SYT9: variants seen among roughly 807,000 people sequenced by gnomAD.
SYT9 encodes the protein synaptotagmin-9.
A neutral mutation model predicts 48.4 loss-of-function variants in SYT9; 22 were observed. The observed-to-expected ratio is 0.45, with a 90% confidence interval of 0.32 to 0.65. The LOEUF (loss-of-function observed/expected upper bound fraction) is 0.65, where lower values mean the gene tolerates loss of function less well. Ranked by LOEUF, SYT9 falls within the 30% of genes least tolerant of loss-of-function variation. The probability of loss-of-function intolerance (pLI) is 0.03; values close to 1 mark genes in which losing one functional copy is unlikely to be tolerated. For missense variants in SYT9, 577 were observed against 622.0 expected (o/e 0.93, Z 0.77); for synonymous variants, 265 against 245.0 (o/e 1.08, Z -0.76).
intron 6 of SYT9, among the ~76,000 whole-genome samples, chr11:7,452,911 T>C (rs956900284): frequency 3.3e-5 from 5 of 151,992 alleles, no homozygotes; most frequent in African/African-American, 1.2e-4. Context: ...GCCTCCCGAG[T>C]AGCTGGGATT....
intron 3 of SYT9, among the ~76,000 whole-genome samples, chr11:7,388,351 C>A (rs990526167): frequency 6.6e-6 from 1 of 152,126 alleles, no homozygotes; most frequent in East Asian, 1.9e-4. Flanking sequence ...TATTTTCAAC[C>A]ATGACATGGT....
intron 1 of SYT9, among the ~76,000 whole-genome samples, chr11:7,245,192 GT>G (rs1325855624): frequency 6.6e-6 from 1 of 152,176 alleles, no homozygotes; most frequent in Non-Finnish European, 1.5e-5. Context: ...CCATGGAGAA[GT>G]TACTAAACTT....
At chr11:7,437,167 T>A (rs1383529532) in intron 6 of SYT9, among the ~76,000 whole-genome samples, 1 of 152,204 alleles carries the variant, frequency 6.6e-6, no homozygotes, top group Non-Finnish European at 1.5e-5. Flanking sequence ...TTTCCAGAGA[T>A]AGCCTAAGTT....
intron 3 of SYT9, among the ~76,000 whole-genome samples, chr11:7,360,251 G>A (rs1850107091): frequency 1.3e-5 from 2 of 152,098 alleles, no homozygotes; most frequent in Non-Finnish European, 2.9e-5. Context: ...TTTGGTTACT[G>A]TAGACTTGTA....
intron 1 of SYT9, among the ~76,000 whole-genome samples, chr11:7,239,689 C>T (rs1016400980): frequency 5.9e-5 from 9 of 151,974 alleles, no homozygotes; most frequent in East Asian, 1.9e-4. Context: ...GATGGTGGTT[C>T]GTATTAGGGT....
intron 6 of SYT9, among the ~76,000 whole-genome samples, chr11:7,425,176 T>G (rs1014352532): frequency 2.0e-5 from 3 of 152,132 alleles, no homozygotes; most frequent in South Asian, 4.2e-4. Flanking sequence ...TAGGTGTCCA[T>G]CCCGGTGCAA....
chr11:7,413,851 G>C (rs1847188173), intron 3 of SYT9, among the ~76,000 whole-genome samples: 1 of 151,478 alleles, frequency 6.6e-6, no homozygotes, highest in Admixed American at 6.6e-5. Context: ...TCCTGCCTTA[G>C]CCTCCAGAGT....
At chr11:7,289,927 C>T (rs985382131) in intron 1 of SYT9, among the ~76,000 whole-genome samples, 2 of 152,168 alleles carry the variant, frequency 1.3e-5, no homozygotes, top group African/African-American at 4.8e-5. Flanking sequence ...GACTTCAAAT[C>T]ATATTATTTG....
At chr11:7,238,875 C>CGAAGGTGGTGGA (rs1443923835) in exon 1 of SYT9, 1 of 455,800 alleles carries the variant, frequency 2.2e-6, no homozygotes, top group East Asian at 6.9e-5. Flanking sequence ...CAAATGCTGG[C>CGAAGGTGGTGGA]GAAGGTGGTG....
At chr11:7,415,853 G>A (rs925860207) in intron 3 of SYT9, among the ~76,000 whole-genome samples, 189 bp from the exon 4 acceptor site, 1 of 152,178 alleles carries the variant, frequency 6.6e-6, no homozygotes, top group Non-Finnish European at 1.5e-5. Flanking sequence ...CCTCCTCAGG[G>A]TGAGGTGCTC....
chr11:7,367,412 T>G (rs978708239), intron 3 of SYT9, among the ~76,000 whole-genome samples: 1 of 152,038 alleles, frequency 6.6e-6, no homozygotes, highest in Non-Finnish European at 1.5e-5. Flanking sequence ...GCTGCTTTCA[T>G]TTTTGCTTTA....
chr11:7,449,612 G>T (rs1173234463), intron 6 of SYT9, among the ~76,000 whole-genome samples: 1 of 152,094 alleles, frequency 6.6e-6, no homozygotes, highest in East Asian at 1.9e-4. Context: ...TACAGGGCAG[G>T]ATATGATGAC....
At position 7,411,842 on chromosome 11, in the gene SYT9, T is replaced by A. The variant is rs138856066; in HGVS notation, c.1045-4200T>A. Among the ~76,000 whole-genome samples, 521 of 152,314 alleles carry A rather than the reference T, an allele frequency of 3.4e-3. 1 individual carries two copies. Among genetic ancestry groups the A allele is most frequent in the African/African-American group, 0.011 (462 of 41,582 alleles). On this transcript the variant is annotated intron_variant, in intron 3 of 6. Transcript: ENST00000318881. ...CTTTGCCCTTGGGGACACTGATAAT[T>A]AGAATATTGAGTCACTATGTTGTCC...
At chr11:7,384,723 A>G (rs1356279316) in intron 3 of SYT9, among the ~76,000 whole-genome samples, 5 of 152,154 alleles carry the variant, frequency 3.3e-5, no homozygotes, top group Non-Finnish European at 7.4e-5. Context: ...CAATCTTTGT[A>G]ATGAATTCCA....
At chr11:7,268,945 C>T (rs911988639) in intron 1 of SYT9, among the ~76,000 whole-genome samples, 4 of 152,078 alleles carry the variant, frequency 2.6e-5, no homozygotes, top group Non-Finnish European at 5.9e-5. Context: ...TGTGTCTGTT[C>T]TAGACATTTC....
intron 1 of SYT9, among the ~76,000 whole-genome samples, chr11:7,264,420 G>A (rs565601862): frequency 4.4e-4 from 67 of 152,216 alleles, no homozygotes; most frequent in Admixed American, 9.2e-4. Flanking sequence ...TTAAGCCGGG[G>A]TTGTGTGTAT....
chr11:7,256,529 G>A (rs1217210963), intron 1 of SYT9, among the ~76,000 whole-genome samples: 1 of 152,220 alleles, frequency 6.6e-6, no homozygotes, highest in Non-Finnish European at 1.5e-5. Flanking sequence ...CTAAGTGAAA[G>A]TAGCTTCTTA....
chr11:7,411,859 A>G (rs1160061154), intron 3 of SYT9, among the ~76,000 whole-genome samples: 5 of 152,144 alleles, frequency 3.3e-5, no homozygotes, highest in African/African-American at 9.7e-5. Flanking sequence ...TTGAGTCACT[A>G]TGTTGTCCCA....
chr11:7,384,405 C>T (rs886123022), intron 3 of SYT9, among the ~76,000 whole-genome samples: 8 of 152,170 alleles, frequency 5.3e-5, no homozygotes, highest in African/African-American at 1.9e-4. Context: ...TACTTCTCCC[C>T]CTCCACTTGG....
Sources: allele counts gnomAD v4.1 joint callset (sites outside exome capture counted in the v4.1 genomes callset), GRCh38; gene constraint gnomAD v4.1.1; transcripts MANE v1.5; gene names NCBI Gene and HGNC (gene_info 2026-07-23, HGNC 2026-07-21).